The following DAPK2 variants were observed in gnomAD, a reference collection of about 807,000 sequenced individuals.
DAPK2 encodes death-associated protein kinase 2.
A neutral mutation model predicts 44.1 loss-of-function variants in DAPK2; 35 were observed. The observed-to-expected ratio is 0.79, with a 90% CI of 0.61 to 1.05. The LOEUF (loss-of-function observed/expected upper bound fraction) is 1.05. Ranked by LOEUF, DAPK2 falls within the 50% of genes least tolerant of loss-of-function variation. DAPK2 has a pLI of 0.00. For synonymous variants in DAPK2, 174 were observed against 182.6 expected (o/e 0.95, Z 0.38); for missense variants, 453 against 483.2 (o/e 0.94, Z 0.59).
At chr15:63,958,701 C>A (rs2077798277) in intron 3 of DAPK2, among the ~76,000 whole-genome samples, 1 of 152,100 alleles carries the variant, frequency 6.6e-6, no homozygotes, top group Non-Finnish European at 1.5e-5. Flanking sequence ...CTATTCTGTT[C>A]CATTGGTCTA....
chr15:63,930,633 A>G (rs1376169292), intron 4 of DAPK2, among the ~76,000 whole-genome samples, 178 bp from the exon 6 acceptor site: 1 of 152,212 alleles, frequency 6.6e-6, no homozygotes, highest in Non-Finnish European at 1.5e-5. Context: ...GCCATGGCCC[A>G]AATGTTTGTG....
intron 6 of DAPK2, 61 bp from the exon 8 acceptor site, chr15:63,926,154 G>A (rs568231616): frequency 4.0e-5 from 61 of 1,543,838 alleles, no homozygotes; most frequent in Non-Finnish European, 4.9e-5. Flanking sequence ...TGGGGATTAC[G>A]GACTCGGGGA....
In DAPK2 at chr15:63,923,151, C is replaced by A; in HGVS notation, c.858+1665G>T. The A allele has an allele frequency of 6.5e-7, 1 of 1,535,862 alleles. No homozygotes were observed. The highest frequency in any genetic ancestry group is 8.7e-7 in the Non-Finnish European group (1 of 1,146,746). ...TCGTCCTGGATGGTATCGTGGGCCTCCACCAGGGCACGGCATCCCAGGTCG... is the reference window on the plus strand; with the variant it reads ...TCGTCCTGGATGGTATCGTGGGCCTACACCAGGGCACGGCATCCCAGGTCG... On this transcript the variant is annotated intron_variant, in intron 8 of 10. Coordinates refer to ENST00000261891, the Ensembl canonical transcript of DAPK2. The surrounding 1 kb of genome is among the most constrained non-coding windows in gnomAD (Gnocchi z 4.2).
chr15:64,004,445 T>C (rs889538594), intron 1 of DAPK2, among the ~76,000 whole-genome samples: 3 of 152,180 alleles, frequency 2.0e-5, no homozygotes, highest in South Asian at 2.1e-4. Flanking sequence ...AGGGGGACCC[T>C]CACTTTTTAA....
chr15:63,934,016 C>A (rs750714157), intron 4 of DAPK2, among the ~76,000 whole-genome samples: 16 of 151,912 alleles, frequency 1.1e-4, no homozygotes, highest in Middle Eastern at 3.2e-3. Context: ...GTCTTTTTTT[C>A]TGTGCTTTTC....
At chr15:64,006,619 A>G (rs1045883522) in intron 1 of DAPK2, among the ~76,000 whole-genome samples, 2 of 152,144 alleles carry the variant, frequency 1.3e-5, no homozygotes, top group Admixed American at 6.5e-5. Context: ...CATGGAAATA[A>G]AAGGAATTTC....
chr15:63,988,223 G>A (rs2078717801), intron 1 of DAPK2, among the ~76,000 whole-genome samples: 1 of 152,124 alleles, frequency 6.6e-6, no homozygotes, highest in African/African-American at 2.4e-5. Context: ...TGGCAGATGG[G>A]CCTCATTTCC....
chr15:63,968,717 G>A (rs2078124494), intron 3 of DAPK2, among the ~76,000 whole-genome samples: 1 of 152,192 alleles, frequency 6.6e-6, no homozygotes, highest in Admixed American at 6.5e-5. Context: ...AAAAGCTGAG[G>A]TTCAGGTGTA....
intron 2 of DAPK2, among the ~76,000 whole-genome samples, chr15:63,982,521 T>A (rs1405140382): frequency 6.6e-6 from 1 of 152,146 alleles, no homozygotes; most frequent in African/African-American, 2.4e-5. Flanking sequence ...GCTGCTTGAC[T>A]GGACACAGCC....
intron 1 of DAPK2, among the ~76,000 whole-genome samples, chr15:63,984,376 CATT>C (rs2078614653): frequency 6.6e-6 from 1 of 152,162 alleles, no homozygotes; most frequent in African/African-American, 2.4e-5. Flanking sequence ...CAGTCTAGAC[CATT>C]ATTATTCCCC....
intron 3 of DAPK2, among the ~76,000 whole-genome samples, chr15:63,955,708 C>A (rs778712994): frequency 6.6e-6 from 1 of 152,046 alleles, no homozygotes; most frequent in South Asian, 2.1e-4. Flanking sequence ...ACTGGGACTA[C>A]AGGCATGCAC....
At chr15:63,991,695 C>T (rs1037675383) in intron 1 of DAPK2, among the ~76,000 whole-genome samples, 2 of 152,212 alleles carry the variant, frequency 1.3e-5, no homozygotes, top group African/African-American at 4.8e-5. Context: ...GGAAGCATAG[C>T]ATGCTCTAGA....
intron 3 of DAPK2, among the ~76,000 whole-genome samples, chr15:63,960,602 T>C (rs534931120): frequency 8.5e-4 from 129 of 152,374 alleles, no homozygotes; most frequent in African/African-American, 3.0e-3. Flanking sequence ...CTTCATTTCG[T>C]TATGTACCCA....
chr15:63,978,649 T>A (rs907024837), intron 2 of DAPK2, among the ~76,000 whole-genome samples: 2 of 152,202 alleles, frequency 1.3e-5, no homozygotes, highest in Non-Finnish European at 2.9e-5. Context: ...CTCAGTCACC[T>A]CTTTTCAAAG....
chr15:63,970,766 T>C (rs1343535467), intron 3 of DAPK2, among the ~76,000 whole-genome samples: 1 of 152,264 alleles, frequency 6.6e-6, no homozygotes, highest in Non-Finnish European at 1.5e-5. Flanking sequence ...TCTATGCAAC[T>C]GAGCTCAGTT....
chr15:63,943,710 T>TA (rs5813268), intron 3 of DAPK2, among the ~76,000 whole-genome samples: 86,132 of 150,930 alleles, frequency 0.57, 25,037 homozygotes, highest in East Asian at 0.94. Context: ...CCGACTCTAC[T>TA]AAAAAAAATA....
At chr15:63,936,050 A>C (rs1226816096) in intron 4 of DAPK2, 1 of 152,160 alleles carries the variant, frequency 6.6e-6, no homozygotes. Context: ...TATGTATATA[A>C]AATGTACTTT....
intron 1 of DAPK2, among the ~76,000 whole-genome samples, chr15:63,999,278 T>C (rs1462864533): frequency 6.6e-6 from 1 of 152,154 alleles, no homozygotes; most frequent in Non-Finnish European, 1.5e-5. Context: ...GTCAGGACTA[T>C]CCATGGGCCA....
intron 1 of DAPK2, among the ~76,000 whole-genome samples, chr15:63,994,902 T>G (rs1023581612): frequency 1.3e-5 from 2 of 152,124 alleles, no homozygotes; most frequent in Middle Eastern, 3.2e-3. Context: ...TTTTTTTCAT[T>G]TTTTAATGTA....
Sources: gnomAD v4.1 joint callset for allele counts (sites outside exome capture counted in the v4.1 genomes callset) on GRCh38, gnomAD v4.1.1 for gene constraint, Gnocchi (gnomAD v3.1) non-coding constraint, MANE v1.5 for transcripts, NCBI Gene and HGNC (gene_info 2026-07-23, HGNC 2026-07-21) for gene names.